The following CTNNA2 variants were observed in gnomAD, a reference collection of about 807,000 sequenced individuals.
The protein encoded by CTNNA2 is catenin alpha 2.
A neutral mutation model predicts 101.0 loss-of-function variants in CTNNA2; 42 were observed. The observed-to-expected ratio is 0.42, with a 90% CI of 0.32 to 0.54. CTNNA2 has a LOEUF of 0.54. Ranked by LOEUF, CTNNA2 falls within the 20% of genes least tolerant of loss-of-function variation. The pLI is 0.14. For synonymous variants in CTNNA2, 450 were observed against 456.4 expected (o/e 0.99, Z 0.18); for missense variants, 871 against 1,223.1 (o/e 0.71, Z 4.29).
chr2:80,144,976 A>G (rs1218298700), intron 7 of CTNNA2, among the ~76,000 whole-genome samples: 1 of 152,078 alleles, frequency 6.6e-6, no homozygotes, highest in Non-Finnish European at 1.5e-5. Context: ...CAGCTGTCAC[A>G]ACCGAAAATG....
intron 7 of CTNNA2, among the ~76,000 whole-genome samples, chr2:80,189,408 A>G (rs1387140483): frequency 6.6e-6 from 1 of 152,204 alleles, no homozygotes; most frequent in Non-Finnish European, 1.5e-5. Context: ...TAGCCACAAG[A>G]GAAGTTGGAG....
chr2:80,610,007 C>G (rs1164054701), intron 17 of CTNNA2, among the ~76,000 whole-genome samples: 3 of 151,726 alleles, frequency 2.0e-5, no homozygotes. Context: ...CATCAAGAAG[C>G]CTGTTCCCTT....
At chr2:79,818,774 G>C (rs572143847) in intron 3 of CTNNA2, among the ~76,000 whole-genome samples, 1 of 140,338 alleles carries the variant, frequency 7.1e-6, no homozygotes, top group African/African-American at 2.7e-5. Context: ...TTTGTTTACA[G>C]TTTTGCTGCA....
intron 4 of CTNNA2, among the ~76,000 whole-genome samples, chr2:79,859,071 AAT>A (rs1168977207): frequency 4.6e-5 from 7 of 151,954 alleles, no homozygotes; most frequent in African/African-American, 1.7e-4. Context: ...CCCTCAGTGA[AAT>A]ATGATTCCTG....
intron 7 of CTNNA2, among the ~76,000 whole-genome samples, chr2:80,185,415 A>G (rs1176954941): frequency 1.3e-5 from 2 of 152,170 alleles, no homozygotes; most frequent in Non-Finnish European, 2.9e-5. Context: ...ATTAGAAGCT[A>G]ATTACTAAGT....
chr2:80,205,576 G>T (rs556924624), intron 7 of CTNNA2, among the ~76,000 whole-genome samples: 1 of 152,308 alleles, frequency 6.6e-6, no homozygotes, highest in African/African-American at 2.4e-5. Flanking sequence ...TTCTTTAGCA[G>T]GAATATATTT....
chr2:80,555,945 T>C, intron 12 of CTNNA2, 52 bp downstream of exon 12: 1 of 1,193,844 alleles, frequency 8.4e-7, no homozygotes, highest in Non-Finnish European at 1.1e-6. Context: ...GATTAGTTTC[T>C]ATAACTGAAT....
intron 7 of CTNNA2, among the ~76,000 whole-genome samples, chr2:79,996,728 G>A (rs1182991716): frequency 6.6e-6 from 1 of 152,134 alleles, no homozygotes; most frequent in Non-Finnish European, 1.5e-5. Context: ...AAATACCTGT[G>A]TGGCACTACA....
At chr2:80,571,387 A>G (rs974407967) in intron 12 of CTNNA2, among the ~76,000 whole-genome samples, 3 of 152,208 alleles carry the variant, frequency 2.0e-5, no homozygotes, top group African/African-American at 4.8e-5. Context: ...GCCCAGTTCT[A>G]TAAGAAGTAC....
At chr2:80,254,255 T>G (rs542530173) in intron 7 of CTNNA2, among the ~76,000 whole-genome samples, 13 of 152,212 alleles carry the variant, frequency 8.5e-5, no homozygotes, top group Non-Finnish European at 1.9e-4. Flanking sequence ...ATATATTATG[T>G]GCATTCTTTA....
chr2:80,489,716 C>A (rs1452043767), intron 9 of CTNNA2, among the ~76,000 whole-genome samples: 4 of 152,158 alleles, frequency 2.6e-5, no homozygotes, highest in Non-Finnish European at 5.9e-5. Flanking sequence ...CACAGTTCTT[C>A]TTCTTGGTTG....
At chr2:80,565,578 G>C (rs1368056244) in intron 12 of CTNNA2, among the ~76,000 whole-genome samples, 1 of 125,252 alleles carries the variant, frequency 8.0e-6, no homozygotes, top group Non-Finnish European at 1.7e-5. Flanking sequence ...TTCCAAAAGA[G>C]ACTAGGTGAT....
At chr2:80,435,249 A>G (rs1259324729) in intron 9 of CTNNA2, among the ~76,000 whole-genome samples, 2 of 152,210 alleles carry the variant, frequency 1.3e-5, no homozygotes. Context: ...ACATCAGTTC[A>G]TTTGGAACAC....
chr2:79,608,486 A>G (rs1678047562), intron 1 of CTNNA2, among the ~76,000 whole-genome samples: 1 of 152,106 alleles, frequency 6.6e-6, no homozygotes, highest in Non-Finnish European at 1.5e-5. Context: ...AGTATTCTTC[A>G]TGAACATAAC....
At chr2:79,607,975 G>T (rs1678007657) in intron 1 of CTNNA2, among the ~76,000 whole-genome samples, 1 of 151,504 alleles carries the variant, frequency 6.6e-6, no homozygotes, top group African/African-American at 2.4e-5. Flanking sequence ...ACAAAGGCAG[G>T]TTGTTTTTTT....
chr2:79,530,110 C>G (rs1672649981), intron 1 of CTNNA2, among the ~76,000 whole-genome samples: 1 of 152,102 alleles, frequency 6.6e-6, no homozygotes, highest in African/African-American at 2.4e-5. Context: ...GCTTTGTTTT[C>G]TCTTCATCCT....
chr2:80,254,467 G>A (rs1295669039), intron 7 of CTNNA2, among the ~76,000 whole-genome samples: 1 of 152,132 alleles, frequency 6.6e-6, no homozygotes, highest in Non-Finnish European at 1.5e-5. Flanking sequence ...AGGTATGGGG[G>A]GAGCTGGTTC....
chr2:80,179,366 T>G (rs1310910325), intron 7 of CTNNA2, among the ~76,000 whole-genome samples: 1 of 150,842 alleles, frequency 6.6e-6, no homozygotes, highest in Non-Finnish European at 1.5e-5. Flanking sequence ...GTCTTTCAAG[T>G]TTTTTTTTGT....
chr2:79,362,036 T>A (rs75683512), intron 3 of CTNNA2, among the ~76,000 whole-genome samples: 1 of 152,192 alleles, frequency 6.6e-6, no homozygotes, highest in Non-Finnish European at 1.5e-5. Flanking sequence ...ACCATCATAC[T>A]AGCCAAAATA....
Sources: allele counts gnomAD v4.1 joint callset (sites outside exome capture counted in the v4.1 genomes callset), GRCh38; gene constraint gnomAD v4.1.1; transcripts MANE v1.5; gene names NCBI Gene and HGNC (gene_info 2026-07-23, HGNC 2026-07-21).